GNG7: variants seen among roughly 807,000 people sequenced by gnomAD.
The protein encoded by GNG7 is guanine nucleotide-binding protein G(I)/G(S)/G(O) subunit gamma-7.
GNG7 carries 1 observed loss-of-function variant against 4.0 expected under a neutral mutation model. The ratio of observed to expected loss-of-function variants is 0.25; its 90% CI spans 0.09 to 1.18. The LOEUF is 1.18. GNG7 is among the 50% of genes most tolerant of loss of function. The pLI, the probability that GNG7 is intolerant of heterozygous loss-of-function variation, is 0.50. For synonymous variants in GNG7, 34 were observed against 36.9 expected (o/e 0.92, Z 0.29); for missense variants, 86 against 91.9 (o/e 0.94, Z 0.26).
At chr19:2,697,464 C>G (rs1239046296) in intron 1 of GNG7, among the ~76,000 whole-genome samples, 2 of 152,110 alleles carry the variant, frequency 1.3e-5, no homozygotes, top group East Asian at 3.9e-4. Flanking sequence ...CAGCCCATCT[C>G]CTTAGCTCTC....
chr19:2,656,459 G>A (rs995774952), intron 1 of GNG7, among the ~76,000 whole-genome samples: 9 of 152,072 alleles, frequency 5.9e-5, no homozygotes, highest in East Asian at 1.9e-4. Flanking sequence ...AAAATTAGCC[G>A]GGCATGGTGG....
At chr19:2,680,196 G>A (rs901403068) in intron 1 of GNG7, among the ~76,000 whole-genome samples, 2 of 143,084 alleles carry the variant, frequency 1.4e-5, no homozygotes, top group African/African-American at 5.3e-5. Flanking sequence ...TGCCCAGGCT[G>A]GAGTGCAGTT....
rs552104874 is a variant in GNG7, at chr19:2,511,544, G to A, written c.*3478C>T. The A allele has an allele frequency of 7.2e-5, 11 of 152,750 alleles. No homozygotes were observed. The highest frequency in any genetic ancestry group is 2.6e-4 in the African/African-American group (11 of 41,582). The allele number at this position is 152,750 out of a possible 1,614,324, so 9.5% of individuals were successfully genotyped here. A position where few individuals can be genotyped will look rare whatever the true frequency, so the allele number is the denominator to read the frequency against. ...GACTTTTTAATAAGTGACCCCTTGA[G>A]GAAGGGCGTGGTGGCTCCACCTCCA... On this transcript the variant is annotated 3_prime_UTR_variant, in exon 5 of 5. Transcript: ENST00000382159. The surrounding 1 kb of genome is among the most constrained non-coding windows in gnomAD (Gnocchi z 6.3).
At position 2,586,388 on chromosome 19, in the gene GNG7, G is replaced by A. The variant is rs372396610; in HGVS notation, c.-77-31200C>T. ...ATGAGTTTCCCATTCCGCTCAGCAG[G>A]CCCATAAATTCAAAGCGAGGGCCGC... is the stretch of plus-strand genomic sequence containing the variant. On this transcript the variant is annotated intron_variant, in intron 2 of 4. Transcript: ENST00000382159. 5.9e-5 allele frequency among the ~76,000 whole-genome samples: 9 copies of A among 152,324 alleles called. No homozygotes were observed. The East Asian group carries it at 1.4e-3, about 23-fold the overall frequency.
intron 2 of GNG7, chr19:2,594,907 C>G (rs1980967941): frequency 6.6e-6 from 1 of 152,000 alleles, no homozygotes; most frequent in Non-Finnish European, 1.5e-5. Context: ...TGCTTCAGGA[C>G]AGGAGTTTGA....
At chr19:2,579,802 C>A (rs1379631177) in intron 2 of GNG7, among the ~76,000 whole-genome samples, 1 of 152,110 alleles carries the variant, frequency 6.6e-6, no homozygotes. Context: ...CTGGGGCTGC[C>A]GTAAGAAAGT....
intron 2 of GNG7, chr19:2,632,454 C>G (rs930318247): frequency 2.7e-5 from 4 of 149,484 alleles, no homozygotes; most frequent in African/African-American, 1.0e-4. Flanking sequence ...CAAAAAAACC[C>G]AACCTGCTAT....
chr19:2,520,091 G>T (rs184540121), intron 4 of GNG7, among the ~76,000 whole-genome samples: 12 of 152,354 alleles, frequency 7.9e-5, no homozygotes, highest in Admixed American at 7.8e-4. Context: ...TGAGGCAGAA[G>T]AATTGCTTGA....
At chr19:2,686,227 A>G (rs573280345) in intron 1 of GNG7, among the ~76,000 whole-genome samples, 4 of 150,540 alleles carry the variant, frequency 2.7e-5, no homozygotes, top group Admixed American at 6.6e-5. Flanking sequence ...GTGCGATCTC[A>G]GCTCACTGCA....
chr19:2,659,680 G>C (rs776003372), intron 1 of GNG7, among the ~76,000 whole-genome samples: 1 of 141,742 alleles, frequency 7.1e-6, no homozygotes, highest in Non-Finnish European at 1.5e-5. Context: ...AAGGGTGGGA[G>C]AGAGAGGAAA....
intron 4 of GNG7, among the ~76,000 whole-genome samples, chr19:2,518,050 T>C (rs770170208): frequency 9.9e-5 from 15 of 152,134 alleles, no homozygotes; most frequent in South Asian, 2.1e-4. Flanking sequence ...AGAAATAGCC[T>C]CCAGACCCCG....
intron 1 of GNG7, among the ~76,000 whole-genome samples, chr19:2,687,462 C>T (rs1983900502): frequency 6.6e-6 from 1 of 151,048 alleles, no homozygotes; most frequent in Non-Finnish European, 1.5e-5. Context: ...ACTAAAAATA[C>T]AAAATTAGCC....
chr19:2,678,298 GT>G (rs1461750551), intron 1 of GNG7, among the ~76,000 whole-genome samples: 1 of 152,210 alleles, frequency 6.6e-6, no homozygotes, highest in Non-Finnish European at 1.5e-5. Flanking sequence ...GAAGTGAAAG[GT>G]GACTTGTAGA....
rs141434387 is a variant in GNG7, at chr19:2,582,334, A to G, written c.-77-27146T>C. Among the ~76,000 whole-genome samples the G allele has an allele frequency of 2.8e-3, 425 of 152,334 alleles. 2 individuals carry two copies. The highest frequency in any genetic ancestry group is 0.01 in the Middle Eastern group (3 of 294). ...TTTTTGCACCTCTTCTATAATTCAC[A>G]TATTATCTCAAAATGTAAAAAATAA... On this transcript the variant is annotated intron_variant, in intron 2 of 4. Coordinates refer to ENST00000382159, the MANE Select transcript of GNG7 (RefSeq NM_052847.3).
intron 1 of GNG7, among the ~76,000 whole-genome samples, chr19:2,661,869 A>C (rs1983189545): frequency 6.6e-6 from 1 of 152,050 alleles, no homozygotes; most frequent in South Asian, 2.1e-4. Context: ...CAGCACATTC[A>C]CTGCCAGAAT....
chr19:2,531,303 CAAA>C (rs58133235), intron 3 of GNG7, among the ~76,000 whole-genome samples: 14 of 95,070 alleles, frequency 1.5e-4, no homozygotes, highest in African/African-American at 6.2e-4. Flanking sequence ...GATTCCGTCT[CAAA>C]AAAAAAAAAA....
intron 1 of GNG7, among the ~76,000 whole-genome samples, chr19:2,657,362 ATAT>A (rs1178448625): frequency 5.6e-4 from 6 of 10,760 alleles, no homozygotes; most frequent in East Asian, 0.014. Context: ...AAAAAAAAAA[ATAT>A]ATATATATAT....
At chr19:2,676,379 C>T (rs572746970) in intron 1 of GNG7, among the ~76,000 whole-genome samples, 2 of 152,188 alleles carry the variant, frequency 1.3e-5, no homozygotes, top group South Asian at 4.2e-4. Flanking sequence ...ACATGCACAG[C>T]CCCCAAGGCA....
chr19:2,590,031 C>G (rs530065762), intron 2 of GNG7, among the ~76,000 whole-genome samples: 1 of 151,926 alleles, frequency 6.6e-6, no homozygotes, highest in South Asian at 2.1e-4. Context: ...AGGCTGGTCT[C>G]GAACTCCTGA....
Sources: allele counts gnomAD v4.1 joint callset (sites outside exome capture counted in the v4.1 genomes callset), GRCh38; gene constraint gnomAD v4.1.1; non-coding constraint Gnocchi (gnomAD v3.1); transcripts MANE v1.5; gene names NCBI Gene and HGNC (gene_info 2026-07-23, HGNC 2026-07-21).